The following BNC2 variants were observed in gnomAD, a reference collection of about 807,000 sequenced individuals.
The protein encoded by BNC2 is zinc finger protein basonuclin-2.
BNC2 carries 20 observed loss-of-function variants against 76.3 expected under a neutral mutation model. The observed-to-expected ratio is 0.26, with a 90% confidence interval of 0.18 to 0.38. BNC2 has a LOEUF of 0.38. Among genes scored for constraint, BNC2 ranks in the 10% least tolerant of loss-of-function variants. The pLI, the probability that BNC2 is intolerant of heterozygous loss-of-function variation, is 1.00. For synonymous variants in BNC2, 582 were observed against 514.8 expected (o/e 1.13, Z -1.77); for missense variants, 1,382 against 1,399.8 (o/e 0.99, Z 0.20).
At chr9:16,718,145 T>G (rs1173400256) in intron 3 of BNC2, among the ~76,000 whole-genome samples, 2 of 152,188 alleles carry the variant, frequency 1.3e-5, no homozygotes, top group Admixed American at 6.5e-5. Flanking sequence ...AACACTCTCT[T>G]TTTCTTATTT....
intron 1 of BNC2, among the ~76,000 whole-genome samples, chr9:16,788,566 A>T (rs1031597546): frequency 6.6e-6 from 1 of 151,768 alleles, no homozygotes; most frequent in African/African-American, 2.4e-5. Context: ...AAAAAAAAAA[A>T]AAAAGAGGTC....
At chr9:16,801,505 G>C (rs1020222925) in intron 1 of BNC2, among the ~76,000 whole-genome samples, 12 of 151,894 alleles carry the variant, frequency 7.9e-5, no homozygotes, top group African/African-American at 2.9e-4. Context: ...CAAAGTGCTG[G>C]GATTACAGGC....
rs140303483 is a variant in BNC2 at position 16,643,708 on chromosome 9, G to A, written c.331-60623C>T. Among the ~76,000 whole-genome samples the A allele has an allele frequency of 4.1e-3, 620 of 152,150 alleles. 7 individuals are homozygous for A. The highest frequency in any genetic ancestry group is 0.014 in the African/African-American group (585 of 41,508). On this transcript the variant is annotated intron_variant, in intron 3 of 6. Coordinates refer to ENST00000380672, the MANE Select transcript of BNC2 (RefSeq NM_017637.6). ...CAGCAATCACATCTGATGTTTCTTG[G>A]TACTTATAAGGGTAGCTGCTATTCA...
At chr9:16,656,516 T>A (rs1821935154) in intron 3 of BNC2, among the ~76,000 whole-genome samples, 1 of 152,156 alleles carries the variant, frequency 6.6e-6, no homozygotes, top group Admixed American at 6.5e-5. Flanking sequence ...TGCTGAGGTA[T>A]AACTGGTATA....
chr9:16,751,959 G>A (rs1257465210), intron 1 of BNC2, among the ~76,000 whole-genome samples: 5 of 151,992 alleles, frequency 3.3e-5, no homozygotes, highest in Non-Finnish European at 7.4e-5. Flanking sequence ...AATCCGGGAG[G>A]CAGAGGTTGC....
chr9:16,496,387 T>G (rs987913096), intron 5 of BNC2, among the ~76,000 whole-genome samples: 3 of 152,212 alleles, frequency 2.0e-5, no homozygotes, highest in Non-Finnish European at 4.4e-5. Flanking sequence ...GAATATAGTT[T>G]ATTTCTTTAG....
intron 1 of BNC2, among the ~76,000 whole-genome samples, chr9:16,772,364 A>T (rs568242666): frequency 6.6e-6 from 1 of 152,210 alleles, no homozygotes; most frequent in African/African-American, 2.4e-5. Flanking sequence ...CATTGTTCCC[A>T]CTTGAGCACA....
At chr9:16,675,475 G>C (rs556507811) in intron 3 of BNC2, among the ~76,000 whole-genome samples, 2 of 151,998 alleles carry the variant, frequency 1.3e-5, no homozygotes, top group East Asian at 1.9e-4. Context: ...GCCCACACTG[G>C]TCTTGAACTC....
At chr9:16,773,563 T>C (rs1053402725) in intron 1 of BNC2, among the ~76,000 whole-genome samples, 1 of 149,016 alleles carries the variant, frequency 6.7e-6, no homozygotes, top group Non-Finnish European at 1.5e-5. Flanking sequence ...AATTTTAAAA[T>C]GGTCCAAAAG....
At chr9:16,711,331 T>C (rs1376845684) in intron 3 of BNC2, among the ~76,000 whole-genome samples, 1 of 152,134 alleles carries the variant, frequency 6.6e-6, no homozygotes, top group African/African-American at 2.4e-5. Flanking sequence ...TTGATTTGGG[T>C]TGTATTAACT....
intron 3 of BNC2, among the ~76,000 whole-genome samples, chr9:16,715,072 C>T (rs1406649488): frequency 6.6e-6 from 1 of 152,136 alleles, no homozygotes; most frequent in East Asian, 1.9e-4. Context: ...ATAGCAATCC[C>T]ACAAAGATTC....
intron 5 of BNC2, among the ~76,000 whole-genome samples, chr9:16,517,145 A>G (rs930435270): frequency 1.3e-5 from 2 of 152,136 alleles, no homozygotes; most frequent in African/African-American, 2.4e-5. Context: ...ATAAGATTCA[A>G]ATTTATTGAG....
chr9:16,718,960 A>G (rs1824068420), intron 3 of BNC2, among the ~76,000 whole-genome samples: 1 of 152,228 alleles, frequency 6.6e-6, no homozygotes, highest in Non-Finnish European at 1.5e-5. Flanking sequence ...CAAGACAGTA[A>G]GTCCTTCCAC....
intron 5 of BNC2, among the ~76,000 whole-genome samples, chr9:16,531,880 C>T (rs753945085): frequency 2.0e-5 from 3 of 151,854 alleles, no homozygotes; most frequent in Non-Finnish European, 2.9e-5. Flanking sequence ...GATAAGCTGC[C>T]AATAGTAATA....
At chr9:16,423,560 G>A (rs939085121) in intron 6 of BNC2, among the ~76,000 whole-genome samples, 2 of 152,160 alleles carry the variant, frequency 1.3e-5, no homozygotes, top group Non-Finnish European at 2.9e-5. Context: ...TTTGCACAGA[G>A]GAGGTACTTA....
intron 3 of BNC2, among the ~76,000 whole-genome samples, chr9:16,592,904 A>T (rs1245340843): frequency 1.3e-5 from 2 of 152,148 alleles, no homozygotes; most frequent in Admixed American, 6.6e-5. Flanking sequence ...AATCCTTTCT[A>T]CTTTGAAAAT....
intron 1 of BNC2, among the ~76,000 whole-genome samples, chr9:16,806,159 G>A (rs1048358789): frequency 5.9e-5 from 9 of 152,104 alleles, no homozygotes; most frequent in African/African-American, 2.2e-4. Flanking sequence ...TTAACAGGGG[G>A]TGATATAAAA....
intron 1 of BNC2, among the ~76,000 whole-genome samples, chr9:16,780,946 C>T (rs984140518): frequency 3.3e-5 from 5 of 151,770 alleles, no homozygotes; most frequent in African/African-American, 1.2e-4. Flanking sequence ...AATTCACTAA[C>T]CAAAAAGAGT....
At chr9:16,760,511 A>G (rs568004401) in intron 1 of BNC2, among the ~76,000 whole-genome samples, 4 of 152,148 alleles carry the variant, frequency 2.6e-5, no homozygotes, top group Non-Finnish European at 4.4e-5. Flanking sequence ...TTAGGCCCTG[A>G]TAGTGAAAAA....
Sources: allele counts gnomAD v4.1 joint callset (sites outside exome capture counted in the v4.1 genomes callset), GRCh38; gene constraint gnomAD v4.1.1; transcripts MANE v1.5; gene names NCBI Gene and HGNC (gene_info 2026-07-23, HGNC 2026-07-21).